DEPDC5: variants seen among roughly 807,000 people sequenced by gnomAD.
DEPDC5 encodes the protein DEP domain containing 5, GATOR1 subcomplex subunit.
In DEPDC5, 73 loss-of-function variants were observed where a neutral mutation model predicts 217.3. That is an observed-to-expected ratio of 0.34 (90% confidence interval 0.28 to 0.41). The LOEUF (loss-of-function observed/expected upper bound fraction) is 0.41, where lower values mean the gene tolerates loss of function less well. DEPDC5 is among the 10% of genes least tolerant of loss of function. The pLI is 1.00. For synonymous variants in DEPDC5, 733 were observed against 756.7 expected, an observed-to-expected ratio of 0.97 and a Z score of 0.51; for missense variants, 1,675 against 2,070.1, an observed-to-expected ratio of 0.81 and a Z score of 3.70.
chr22:31,839,947 G>A (rs958391711), intron 27 of DEPDC5, among the ~76,000 whole-genome samples: 1 of 152,126 alleles, frequency 6.6e-6, no homozygotes, highest in African/African-American at 2.4e-5. Flanking sequence ...CCTAGGCAAT[G>A]TAGGGAGACC....
At chr22:31,818,503 A>G (rs569265994) in intron 21 of DEPDC5, among the ~76,000 whole-genome samples, 1 of 152,274 alleles carries the variant, frequency 6.6e-6, no homozygotes, top group African/African-American at 2.4e-5. Context: ...TATAATTTCT[A>G]CCTGGCCAGA....
intron 8 of DEPDC5, among the ~76,000 whole-genome samples, chr22:31,783,385 T>A (rs2084659514): frequency 6.6e-6 from 1 of 152,086 alleles, no homozygotes; most frequent in Admixed American, 6.6e-5. Flanking sequence ...ATTCTTGAAG[T>A]CAGTGAGACC....
chr22:31,845,244 G>A lies in DEPDC5; in HGVS notation c.3021+7G>A. The stretch of plus-strand genomic sequence containing the variant: ...CTCGGATCGCATGATGCGGGTAAGG[G>A]CTCCTTAGACTCAGGGAGTGCGCCT... On this transcript the variant is annotated splice_region_variant and intron_variant, in intron 30 of 42. Transcript: ENST00000651528. 6.2e-7 allele frequency: 1 copy of A among 1,611,566 alleles called. No individual in the cohort carries two copies. Among genetic ancestry groups the A allele is most frequent in the Non-Finnish European group, 8.5e-7 (1 of 1,178,886 alleles).
intron 28 of DEPDC5, 80 bp from the exon 29 acceptor site, chr22:31,843,565 G>T: frequency 6.6e-7 from 1 of 1,510,484 alleles, no homozygotes; most frequent in South Asian, 1.3e-5. Context: ...GGTTCTAAGT[G>T]TATAGAGATA....
intron 1 of DEPDC5, among the ~76,000 whole-genome samples, chr22:31,754,603 G>A (rs145974695): frequency 1.4e-4 from 21 of 152,366 alleles, no homozygotes; most frequent in African/African-American, 5.1e-4. Context: ...TCAGCGCAAT[G>A]CTTCCCCTAT....
chr22:31,757,396 T>G (rs1224826524), intron 2 of DEPDC5: 2 of 152,114 alleles, frequency 1.3e-5, no homozygotes, highest in Non-Finnish European at 1.5e-5. Context: ...CCACCTCAGG[T>G]TGGGAACAGA....
At chr22:31,773,457 C>T (rs1029610878) in intron 7 of DEPDC5, among the ~76,000 whole-genome samples, 1 of 152,196 alleles carries the variant, frequency 6.6e-6, no homozygotes, top group Non-Finnish European at 1.5e-5. Context: ...CTTGGCTCAG[C>T]CCCCTAGAGT....
chr22:31,843,096 C>A lies in DEPDC5; in HGVS notation c.2517C>A (p.Gly839=). The part of the protein sequence containing the change: ...PLSSSPLYSR[G]LVSRNRPEEE... ...AGGAAATTATTATTTTTCTGTTAGG[C>A]CTTGTGTCCCGAAACCGCCCTGAGG... Residue 839 remains glycine (G), a splice_region_variant and synonymous_variant, in exon 28 of 43, where the codon GGC becomes GGA. Coordinates refer to ENST00000651528, the MANE Select transcript of DEPDC5 (RefSeq NM_001242896.3). 6.2e-7 allele frequency: 1 copy of A among 1,610,746 alleles called. No individual in the cohort carries two copies. Among genetic ancestry groups the A allele is most frequent in the African/African-American group, 1.3e-5 (1 of 74,918 alleles).
At chr22:31,855,902 T>C (rs1208848631) in intron 31 of DEPDC5, among the ~76,000 whole-genome samples, 1 of 152,140 alleles carries the variant, frequency 6.6e-6, no homozygotes, top group Non-Finnish European at 1.5e-5. Flanking sequence ...TTACTTCTCA[T>C]TGAGTAACAA....
At position 31,906,206 on chromosome 22, in the gene DEPDC5, A is replaced by T. The variant is rs1004493437; in HGVS notation, c.4521A>T (p.Gly1507=). 6.2e-7 allele frequency: 1 copy of T among 1,613,574 alleles called. No homozygotes were observed. The highest frequency in any genetic ancestry group is 1.3e-5 in the African/African-American group (1 of 74,912). The stretch of plus-strand genomic sequence containing the variant: ...ACAGGCGCTCCCCTTTCTCTTCAGG[A>T]ACAGTGTTTCTGCAGCTGCCCTACT... ...ENKPQYIHVT[G]TVFLQLPYSK... Residue 1507 remains glycine, a splice_region_variant and synonymous_variant, in exon 43 of 43, where the codon GGA becomes GGT. Coordinates refer to ENST00000651528, the MANE Select transcript of DEPDC5 (RefSeq NM_001242896.3). The surrounding 1 kb of genome is among the most constrained non-coding windows in gnomAD (Gnocchi z 5.1).
intron 38 of DEPDC5, among the ~76,000 whole-genome samples, chr22:31,882,665 C>T (rs2149313876): frequency 6.6e-6 from 1 of 152,196 alleles, no homozygotes; most frequent in South Asian, 2.1e-4. Context: ...CACATTTTAG[C>T]AAAATGTTTT....
At chr22:31,830,153 T>A (rs1847284750) in intron 24 of DEPDC5, among the ~76,000 whole-genome samples, 1 of 152,250 alleles carries the variant, frequency 6.6e-6, no homozygotes, top group African/African-American at 2.4e-5. Flanking sequence ...GAGAAACCAC[T>A]TGCCCCAGGC....
In DEPDC5 at chr22:31,897,642, A is replaced by C. The variant is rs2093576887; in HGVS notation, c.4364A>C (p.His1455Pro). The C allele has an allele frequency of 6.2e-7, 1 of 1,613,796 alleles. No individual in the cohort carries two copies. Among genetic ancestry groups the C allele is most frequent in the South Asian group, 1.1e-5 (1 of 91,060 alleles). Residue 1455 changes from histidine (H) to proline (P), a missense_variant, in exon 40 of 43, where the codon CAC (histidine) becomes CCC (proline). Transcript: ENST00000651528. The stretch of plus-strand genomic sequence containing the variant: ...TGCTTGCTCAAGGAGGGCAGCGAGC[A>C]CCTGTTTGATAGTAAGAAATATTCC... ...ISCLLKEGSE[H>P]LFDSFEPETY...
chr22:31,881,877 C>G (rs5998157), intron 38 of DEPDC5, among the ~76,000 whole-genome samples: 27,108 of 150,662 alleles, frequency 0.18, 2,567 homozygotes, highest in African/African-American at 0.22. Context: ...ATCTGAGAGG[C>G]AGAGGTTGCG....
At chr22:31,890,756 A>G (rs1407106855) in intron 38 of DEPDC5, among the ~76,000 whole-genome samples, 1 of 151,096 alleles carries the variant, frequency 6.6e-6, no homozygotes, top group Non-Finnish European at 1.5e-5. Context: ...ATGGAGTTTC[A>G]CTCTTGTTGC....
At chr22:31,839,314 C>T (rs1281971301) in intron 27 of DEPDC5, among the ~76,000 whole-genome samples, 2 of 152,176 alleles carry the variant, frequency 1.3e-5, no homozygotes, top group African/African-American at 4.8e-5. Flanking sequence ...AAGAATGGGT[C>T]ATCTATGAGT....
intron 32 of DEPDC5, among the ~76,000 whole-genome samples, chr22:31,860,530 T>G (rs1051477221): frequency 6.6e-6 from 1 of 152,140 alleles, no homozygotes; most frequent in Non-Finnish European, 1.5e-5. Context: ...TTAAGAATGA[T>G]GGAAGGAGGG....
chr22:31,795,614 G>A (rs1010210695), intron 12 of DEPDC5, among the ~76,000 whole-genome samples: 2 of 152,014 alleles, frequency 1.3e-5, no homozygotes, highest in Non-Finnish European at 2.9e-5. Flanking sequence ...GGCTGGTCTC[G>A]AACTCCTGAC....
intron 7 of DEPDC5, among the ~76,000 whole-genome samples, chr22:31,771,715 T>TCACATACACACACA (rs2083373573): frequency 1.3e-5 from 1 of 78,050 alleles, no homozygotes; most frequent in Admixed American, 1.5e-4. Flanking sequence ...CAAGACTCCG[T>TCACATACACACACA]CACACACACA....
Sources: gnomAD v4.1 joint callset for allele counts (sites outside exome capture counted in the v4.1 genomes callset) on GRCh38, gnomAD v4.1.1 for gene constraint, Gnocchi (gnomAD v3.1) non-coding constraint, MANE v1.5 for transcripts, NCBI Gene and HGNC (gene_info 2026-07-23, HGNC 2026-07-21) for gene names.